Variants in PHACTR1 observed in about 807,000 individuals in gnomAD.
PHACTR1 encodes phosphatase and actin regulator 1.
PHACTR1 carries 16 observed loss-of-function variants against 69.2 expected under a neutral mutation model. That is an observed-to-expected ratio of 0.23 (90% confidence interval 0.16 to 0.35). The LOEUF (loss-of-function observed/expected upper bound fraction) is 0.35, where lower values mean the gene tolerates loss of function less well. Among genes scored for constraint, PHACTR1 ranks in the 10% least tolerant of loss-of-function variants. The pLI, the probability that PHACTR1 is intolerant of heterozygous loss-of-function variation, is 1.00. For missense variants in PHACTR1, 510 were observed against 734.7 expected (o/e 0.69, Z 3.54); for synonymous variants, 312 against 284.5 (o/e 1.10, Z -0.97).
intron 4 of PHACTR1, among the ~76,000 whole-genome samples, chr6:13,005,915 C>G (rs1041026530): frequency 1.3e-5 from 2 of 151,914 alleles, no homozygotes; most frequent in African/African-American, 4.8e-5. Flanking sequence ...GGAAAAAGGG[C>G]CACTCCACTC....
At chr6:12,996,078 T>C (rs2127614568) in intron 4 of PHACTR1, among the ~76,000 whole-genome samples, 1 of 152,226 alleles carries the variant, frequency 6.6e-6, no homozygotes, top group South Asian at 2.1e-4. Flanking sequence ...AAATAGTACT[T>C]TGAGGGAAAT....
At chr6:12,729,334 ACT>A (rs1763187978) in intron 3 of PHACTR1, among the ~76,000 whole-genome samples, 1 of 152,106 alleles carries the variant, frequency 6.6e-6, no homozygotes, top group Non-Finnish European at 1.5e-5. Flanking sequence ...ATCAGAGCAA[ACT>A]CTACAGTTTA....
chr6:12,891,672 G>A (rs1022490808), intron 4 of PHACTR1, among the ~76,000 whole-genome samples: 3 of 152,168 alleles, frequency 2.0e-5, no homozygotes, highest in Admixed American at 2.0e-4. Context: ...TTTGTGCCCT[G>A]TGGTAGCATT....
intron 4 of PHACTR1, among the ~76,000 whole-genome samples, chr6:12,798,798 A>G (rs1483866221): frequency 1.3e-5 from 2 of 152,250 alleles, no homozygotes; most frequent in South Asian, 4.1e-4. Flanking sequence ...GATGCATACC[A>G]TGACATAGTG....
intron 8 of PHACTR1, among the ~76,000 whole-genome samples, chr6:13,221,167 G>C (rs1768550728): frequency 6.6e-6 from 1 of 152,206 alleles, no homozygotes. Flanking sequence ...GCAACTGCAG[G>C]AGCAGAGGGA....
intron 4 of PHACTR1, among the ~76,000 whole-genome samples, chr6:12,995,198 C>A (rs1365341719): frequency 6.6e-6 from 1 of 150,402 alleles, no homozygotes. Context: ...TCAGGATATA[C>A]TGGCCAGAAA....
At chr6:13,005,371 C>T (rs979609039) in intron 4 of PHACTR1, among the ~76,000 whole-genome samples, 1 of 152,064 alleles carries the variant, frequency 6.6e-6, no homozygotes, top group East Asian at 1.9e-4. Context: ...ACAACATTCA[C>T]ATATTGCTGT....
chr6:12,935,729 G>C (rs1186678368), intron 4 of PHACTR1, among the ~76,000 whole-genome samples: 1 of 152,086 alleles, frequency 6.6e-6, no homozygotes, highest in Non-Finnish European at 1.5e-5. Flanking sequence ...TCTTTCCTGA[G>C]ACTCATGAAG....
chr6:12,753,970 A>ATAT (rs1490045072), intron 4 of PHACTR1, among the ~76,000 whole-genome samples: 2 of 134,506 alleles, frequency 1.5e-5, no homozygotes, highest in South Asian at 2.4e-4. Flanking sequence ...ATATATATAT[A>ATAT]TTTTTTTTTT....
intron 4 of PHACTR1, among the ~76,000 whole-genome samples, chr6:12,969,174 T>A (rs1040142756): frequency 1.3e-5 from 2 of 152,238 alleles, no homozygotes; most frequent in South Asian, 4.1e-4. Flanking sequence ...CAAGCAATCC[T>A]AATGTATAGC....
chr6:12,858,007 G>A (rs1780571745), intron 4 of PHACTR1, among the ~76,000 whole-genome samples: 1 of 152,156 alleles, frequency 6.6e-6, no homozygotes, highest in Non-Finnish European at 1.5e-5. Flanking sequence ...AGGCATTTGA[G>A]AGGTAAAGAT....
chr6:13,262,360 C>T (rs915490940), intron 10 of PHACTR1, among the ~76,000 whole-genome samples: 5 of 152,038 alleles, frequency 3.3e-5, no homozygotes, highest in African/African-American at 7.2e-5. Context: ...AGTCTGATGG[C>T]CCATAGGAGT....
intron 4 of PHACTR1, among the ~76,000 whole-genome samples, chr6:12,879,528 T>C (rs1471595518): frequency 6.6e-6 from 1 of 152,188 alleles, no homozygotes; most frequent in Admixed American, 6.5e-5. Flanking sequence ...ATTCTTTTTT[T>C]CTCTGGCTTT....
intron 4 of PHACTR1, among the ~76,000 whole-genome samples, chr6:12,996,598 T>C (rs1238488217): frequency 1.3e-5 from 2 of 152,200 alleles, no homozygotes; most frequent in Non-Finnish European, 2.9e-5. Context: ...AATAAACATT[T>C]AAGAAGGGTT....
chr6:13,033,847 G>C (rs1034478665), intron 4 of PHACTR1, among the ~76,000 whole-genome samples: 1 of 151,690 alleles, frequency 6.6e-6, no homozygotes, highest in Non-Finnish European at 1.5e-5. Flanking sequence ...TAATAAAATT[G>C]TTCATACTTT....
At chr6:13,138,705 A>G (rs58229352) in intron 5 of PHACTR1, among the ~76,000 whole-genome samples, 8,321 of 152,284 alleles carry the variant, frequency 0.055, 538 homozygotes, top group African/African-American at 0.15. Context: ...CTCAAAGGGG[A>G]AAATGAGTGG....
chr6:12,952,934 C>A (rs1408810614), intron 4 of PHACTR1, among the ~76,000 whole-genome samples: 1 of 152,086 alleles, frequency 6.6e-6, no homozygotes, highest in Admixed American at 6.6e-5. Flanking sequence ...ACTAGAGAGC[C>A]AAAAATAGTG....
At chr6:13,239,024 C>T (rs778752145) in intron 10 of PHACTR1, among the ~76,000 whole-genome samples, 17 of 152,190 alleles carry the variant, frequency 1.1e-4, no homozygotes, top group Non-Finnish European at 2.4e-4. Flanking sequence ...TCCTCCTCCT[C>T]ATCCTCATCT....
rs113500135 is a variant in PHACTR1, at chr6:13,057,336, G to A, written c.415+3807G>A. On this transcript the variant is annotated intron_variant, in intron 5 of 14. Transcript: ENST00000332995. Reference sequence around the variant, plus strand: ...GGAGGCTGAGTAGAGCTTGGTTAATGAGAAAATCTTGCTCAGTCTATATCA... The same window carrying A: ...GGAGGCTGAGTAGAGCTTGGTTAATAAGAAAATCTTGCTCAGTCTATATCA... Among the ~76,000 whole-genome samples, 429 of 152,278 alleles carry A rather than the reference G, an allele frequency of 2.8e-3. 1 individual carries two copies. Among genetic ancestry groups the A allele is most frequent in the African/African-American group, 9.7e-3 (402 of 41,568 alleles).
Sources: allele counts gnomAD v4.1 joint callset (sites outside exome capture counted in the v4.1 genomes callset), GRCh38; gene constraint gnomAD v4.1.1; transcripts MANE v1.5; gene names NCBI Gene and HGNC (gene_info 2026-07-23, HGNC 2026-07-21).